The following LEKR1 variants were observed in gnomAD, a reference collection of about 807,000 sequenced individuals.
LEKR1 encodes the protein protein LEKR1.
LEKR1 carries 59 observed loss-of-function variants against 72.4 expected under a neutral mutation model. The observed-to-expected ratio is 0.82, with a 90% CI of 0.66 to 1.01. The LOEUF is 1.01. Ranked by LOEUF, LEKR1 falls within the 50% of genes least tolerant of loss-of-function variation. The pLI, the probability that LEKR1 is intolerant of heterozygous loss-of-function variation, is 0.00. For missense variants in LEKR1, 728 were observed against 759.2 expected, an observed-to-expected ratio of 0.96 and a Z score of 0.48; for synonymous variants, 257 against 263.2, an observed-to-expected ratio of 0.98 and a Z score of 0.23.
At chr3:156,971,309 C>T (rs1729163242) in intron 6 of LEKR1, among the ~76,000 whole-genome samples, 1 of 151,914 alleles carries the variant, frequency 6.6e-6, no homozygotes, top group South Asian at 2.1e-4. Flanking sequence ...GAAACTGGAT[C>T]CCTTCCTTAC....
intron 10 of LEKR1, among the ~76,000 whole-genome samples, chr3:157,024,271 C>T (rs1734043854): frequency 6.6e-6 from 1 of 152,142 alleles, no homozygotes; most frequent in Admixed American, 6.6e-5. Context: ...AATCATCCTT[C>T]CCACTTTAGT....
At chr3:156,935,576 A>G (rs1725619070) in intron 5 of LEKR1, among the ~76,000 whole-genome samples, 1 of 152,196 alleles carries the variant, frequency 6.6e-6, no homozygotes, top group African/African-American at 2.4e-5. Context: ...CAAATAATCT[A>G]TATCTTAAAT....
At chr3:156,871,839 T>A (rs1717996085) in intron 3 of LEKR1, among the ~76,000 whole-genome samples, 1 of 152,182 alleles carries the variant, frequency 6.6e-6, no homozygotes, top group Admixed American at 6.6e-5. Flanking sequence ...GGTTTGCTAC[T>A]ATTTTGTTGA....
chr3:157,019,318 C>T (rs753552160), intron 10 of LEKR1, among the ~76,000 whole-genome samples: 2 of 151,930 alleles, frequency 1.3e-5, no homozygotes, highest in African/African-American at 2.4e-5. Context: ...AGTGAAAAGG[C>T]AGTATTTTGC....
intron 3 of LEKR1, among the ~76,000 whole-genome samples, chr3:156,908,254 T>C (rs528531380): frequency 6.6e-6 from 1 of 152,152 alleles, no homozygotes; most frequent in Non-Finnish European, 1.5e-5. Context: ...ATTTTGAGAC[T>C]CTCCGAATAT....
At chr3:156,924,637 A>T (rs986267449) in intron 4 of LEKR1, 1 of 479,144 alleles carries the variant, frequency 2.1e-6, no homozygotes, top group Non-Finnish European at 3.7e-6. Flanking sequence ...GTATGATATG[A>T]GGTAAGAATC....
intron 10 of LEKR1, chr3:157,017,544 G>A (rs753415983): frequency 6.6e-6 from 1 of 152,186 alleles, no homozygotes; most frequent in Non-Finnish European, 1.5e-5. Context: ...GGGTATACGA[G>A]TAGCTGTGCT....
intron 5 of LEKR1, among the ~76,000 whole-genome samples, chr3:156,942,109 T>C (rs1726263077): frequency 6.6e-6 from 1 of 152,018 alleles, no homozygotes; most frequent in Non-Finnish European, 1.5e-5. Context: ...AGAGAATGTA[T>C]TCTAGTTAAC....
intron 9 of LEKR1, among the ~76,000 whole-genome samples, chr3:157,007,284 T>A (rs9811993): frequency 0.61 from 92,168 of 152,000 alleles, 28,956 homozygotes; most frequent in South Asian, 0.8. Flanking sequence ...CATAAGGAAG[T>A]TGAGAAAGCT....
At chr3:157,026,699 C>T (rs1418296446) in intron 11 of LEKR1, among the ~76,000 whole-genome samples, 1 of 152,156 alleles carries the variant, frequency 6.6e-6, no homozygotes, top group African/African-American at 2.4e-5. Context: ...TTCACAAAGT[C>T]CTTGGAACCT....
chr3:156,870,930 A>G (rs1350906873), intron 3 of LEKR1, among the ~76,000 whole-genome samples: 1 of 152,120 alleles, frequency 6.6e-6, no homozygotes, highest in Middle Eastern at 3.4e-3. Context: ...TGAGATAATC[A>G]TATGTTTTAT....
At chr3:156,992,869 AT>A in intron 8 of LEKR1, 139 bp downstream of exon 8, 1 of 385,324 alleles carries the variant, frequency 2.6e-6, no homozygotes, top group Non-Finnish European at 4.5e-6. Context: ...TCAAGCTTAT[AT>A]TATCTTGCAG....
intron 3 of LEKR1, among the ~76,000 whole-genome samples, chr3:156,866,505 T>A (rs1160174119): frequency 6.6e-6 from 1 of 152,042 alleles, no homozygotes; most frequent in Non-Finnish European, 1.5e-5. Context: ...TATCTTGGTG[T>A]CCTTGTCCCC....
At chr3:156,965,606 T>A (rs1728496681) in intron 6 of LEKR1, among the ~76,000 whole-genome samples, 1 of 152,200 alleles carries the variant, frequency 6.6e-6, no homozygotes, top group Non-Finnish European at 1.5e-5. Context: ...TTATAAAATC[T>A]CCACATACTA....
chr3:156,953,510 AC>A (rs910617576), intron 6 of LEKR1, among the ~76,000 whole-genome samples: 1 of 150,892 alleles, frequency 6.6e-6, no homozygotes, highest in African/African-American at 2.4e-5. Context: ...CCTCCCTTCA[AC>A]CCCCCAGTTG....
intron 9 of LEKR1, among the ~76,000 whole-genome samples, chr3:157,004,284 T>G (rs929113172): frequency 6.6e-6 from 1 of 152,122 alleles, no homozygotes; most frequent in Non-Finnish European, 1.5e-5. Context: ...ACATAACACT[T>G]CTAAATATTT....
At chr3:156,996,126 A>G (rs897452162) in intron 9 of LEKR1, among the ~76,000 whole-genome samples, 1 of 152,148 alleles carries the variant, frequency 6.6e-6, no homozygotes, top group African/African-American at 2.4e-5. Flanking sequence ...TACATAGTAC[A>G]TAGCTTATAT....
chr3:157,015,612 A>T (rs1051525138), intron 10 of LEKR1, among the ~76,000 whole-genome samples: 3 of 152,220 alleles, frequency 2.0e-5, no homozygotes, highest in African/African-American at 7.2e-5. Flanking sequence ...AAGAATATTC[A>T]TAGGAATACA....
intron 3 of LEKR1, among the ~76,000 whole-genome samples, chr3:156,877,614 CA>C (rs55807356): frequency 0.066 from 10,078 of 152,074 alleles, 401 homozygotes; most frequent in African/African-American, 0.11. Flanking sequence ...TAAAAGTGTT[CA>C]TAGTAGTCTT....
Sources: gnomAD v4.1 joint callset for allele counts (sites outside exome capture counted in the v4.1 genomes callset) on GRCh38, gnomAD v4.1.1 for gene constraint, MANE v1.5 for transcripts, NCBI Gene and HGNC (gene_info 2026-07-23, HGNC 2026-07-21) for gene names.